Variants in TUB observed in about 807,000 individuals in gnomAD.
The protein encoded by TUB is TUB bipartite transcription factor.
A neutral mutation model predicts 59.7 loss-of-function variants in TUB; 33 were observed. The ratio of observed to expected loss-of-function variants is 0.55; its 90% CI spans 0.42 to 0.74. The LOEUF (loss-of-function observed/expected upper bound fraction) is 0.74. TUB is among the 30% of genes least tolerant of loss of function. The pLI is 0.00. For synonymous variants in TUB, 293 were observed against 256.4 expected (o/e 1.14, Z -1.36); for missense variants, 659 against 672.0 (o/e 0.98, Z 0.21).
intron 11 of TUB, 77 bp from the exon 12 acceptor site, chr11:8,101,409 G>C: frequency 6.4e-7 from 1 of 1,568,590 alleles, no homozygotes; most frequent in South Asian, 1.1e-5. Flanking sequence ...ATGTGGTTTG[G>C]GTGTCTGTCT....
At chr11:8,063,897 T>C (rs1338944089) in intron 2 of TUB, among the ~76,000 whole-genome samples, 3 of 152,244 alleles carry the variant, frequency 2.0e-5, no homozygotes, top group Non-Finnish European at 4.4e-5. Context: ...TACTTTCTTT[T>C]TTCTCATTTT....
Position 8,093,382 on chromosome 11 carries a change from T to C in TUB, c.254-664T>C, listed in dbSNP as rs190567699. ...CCCAGAGGTGGGGAGTATGTGTTTA[T>C]TTTAGACCTAGGGGAAGGGAGAGAA... On this transcript the variant is annotated intron_variant, in intron 3 of 11. Coordinates refer to ENST00000299506, the MANE Select transcript of TUB (RefSeq NM_177972.3). Among the ~76,000 whole-genome samples the C allele has an allele frequency of 9.2e-4, 140 of 151,876 alleles. 2 individuals carry two copies. The highest frequency in any genetic ancestry group is 3.3e-3 in the African/African-American group (135 of 41,302).
At chr11:8,100,343 A>G (rs1564926496) in intron 9 of TUB, among the ~76,000 whole-genome samples, 160 bp from the exon 10 acceptor site, 1 of 152,162 alleles carries the variant, frequency 6.6e-6, no homozygotes, top group Non-Finnish European at 1.5e-5. Flanking sequence ...GTAGAGACCC[A>G]GGGGCTCAGT....
intron 3 of TUB, among the ~76,000 whole-genome samples, chr11:8,092,046 C>T (rs951945806): frequency 1.3e-5 from 2 of 152,190 alleles, no homozygotes; most frequent in Non-Finnish European, 2.9e-5. Context: ...GACGTGCAGT[C>T]GTTTTGGAAG....
intron 1 of TUB, among the ~76,000 whole-genome samples, chr11:8,030,583 G>C (rs1349354395): frequency 6.6e-6 from 1 of 152,190 alleles, no homozygotes; most frequent in Non-Finnish European, 1.5e-5. Context: ...GTTGGGGAGT[G>C]GGGTTCAGAA....
At chr11:8,044,447 T>C (rs540611501) in intron 2 of TUB, among the ~76,000 whole-genome samples, 24 of 152,362 alleles carry the variant, frequency 1.6e-4, no homozygotes, top group Non-Finnish European at 1.2e-4. Context: ...CTATCTTTTT[T>C]ACGTGGAGTG....
At position 8,090,250 on chromosome 11, in the gene TUB, C is replaced by T. The variant is rs767356515; in HGVS notation, c.253+19C>T. The T allele has an allele frequency of 2.5e-6, 4 of 1,611,358 alleles. No homozygotes were observed. Among genetic ancestry groups the T allele is most frequent in the South Asian group, 2.2e-5 (2 of 90,864 alleles). On this transcript the variant is annotated intron_variant, in intron 3 of 11. Transcript: ENST00000299506. ...TACCAAGGTATACCTTGCCTGCTGC[C>T]CCACATCCCGTCACTGCTTCGGGGA...
At chr11:8,098,687 C>A in intron 8 of TUB, 71 bp from the exon 9 acceptor site, 1 of 1,192,472 alleles carries the variant, frequency 8.4e-7, no homozygotes, top group Non-Finnish European at 1.2e-6. Flanking sequence ...CCTCATAGGA[C>A]AGACGATGAG....
chr11:8,047,923 C>G lies in TUB; in HGVS notation c.203+8231C>G, dbSNP rs187728047. 2.0e-5 allele frequency among the ~76,000 whole-genome samples: 3 copies of G among 152,282 alleles called. No individual in the cohort carries two copies. In the East Asian group the frequency reaches 5.8e-4, roughly 29 times the overall value. ...TGATGTGCCACCATGCAATATAACT[C>G]TGCTAGAAAGGGTCCCATTTGCTCA... On this transcript the variant is annotated intron_variant, in intron 2 of 12. Transcript: ENST00000305253.
At chr11:8,037,326 G>A (rs925871397), upstream of TUB, among the ~76,000 whole-genome samples, 6 of 152,208 alleles carry the variant, frequency 3.9e-5, no homozygotes, top group African/African-American at 1.2e-4. Flanking sequence ...AGTGTTATGG[G>A]AGGGGAAGGA....
At chr11:8,092,767 C>T (rs1943820989) in intron 3 of TUB, among the ~76,000 whole-genome samples, 1 of 152,166 alleles carries the variant, frequency 6.6e-6, no homozygotes, top group African/African-American at 2.4e-5. Flanking sequence ...GCGTGGCCTA[C>T]CCAGGAACTG....
intron 2 of TUB, among the ~76,000 whole-genome samples, chr11:8,074,094 T>TG (rs1554927290): frequency 0.018 from 2,054 of 115,340 alleles, 41 homozygotes; most frequent in African/African-American, 0.053. Context: ...TGGGTTTTTG[T>TG]GGTTTTTTTT....
intron 1 of TUB, among the ~76,000 whole-genome samples, chr11:8,020,210 G>A (rs1247124711): frequency 2.6e-5 from 4 of 152,244 alleles, no homozygotes; most frequent in Admixed American, 6.5e-5. Flanking sequence ...TTTAAGTTTC[G>A]TAACCCCAAG....
At chr11:8,076,168 C>G (rs991732512) in intron 2 of TUB, 6 of 152,214 alleles carry the variant, frequency 3.9e-5, no homozygotes, top group Admixed American at 3.9e-4. Flanking sequence ...CCTCTGTCCA[C>G]AAGAGACACT....
chr11:8,071,903 C>A (rs1943366443), intron 2 of TUB, among the ~76,000 whole-genome samples: 1 of 152,212 alleles, frequency 6.6e-6, no homozygotes, highest in South Asian at 2.1e-4. Context: ...CCCAGAAATC[C>A]TCAGAAGTGT....
chr11:8,083,850 G>A (rs1943616425), intron 1 of TUB, among the ~76,000 whole-genome samples: 1 of 152,168 alleles, frequency 6.6e-6, no homozygotes, highest in South Asian at 2.1e-4. Context: ...GTCTTTCTGG[G>A]CACGCACTGA....
chr11:8,049,578 T>TATATATAGATAGATAGATAGATAG (rs1055522231), intron 2 of TUB, among the ~76,000 whole-genome samples: 94 of 85,922 alleles, frequency 1.1e-3, no homozygotes, highest in African/African-American at 3.1e-3. Flanking sequence ...TATATATATA[T>TATATATAGATAGATAGATAGATAG]ATAGATAGAT....
upstream of TUB, chr11:8,035,937 A>G (rs1942639616): frequency 6.6e-6 from 1 of 152,274 alleles, no homozygotes; most frequent in Non-Finnish European, 1.5e-5. Flanking sequence ...AGCCTTCCGC[A>G]GAGGGTAGGT....
chr11:8,061,304 A>T (rs1444550615), intron 2 of TUB, among the ~76,000 whole-genome samples: 1 of 152,186 alleles, frequency 6.6e-6, no homozygotes, highest in Non-Finnish European at 1.5e-5. Context: ...CCTTGCTGAC[A>T]GCTGGGCGCT....
Sources: allele counts gnomAD v4.1 joint callset (sites outside exome capture counted in the v4.1 genomes callset), GRCh38; gene constraint gnomAD v4.1.1; transcripts MANE v1.5; gene names NCBI Gene and HGNC (gene_info 2026-07-23, HGNC 2026-07-21).